The following SUPT3H variants were observed in gnomAD, a reference collection of about 807,000 sequenced individuals.
SUPT3H encodes SPT3 homolog, SAGA and STAGA complex component.
In SUPT3H, 44 loss-of-function variants were observed where a neutral mutation model predicts 44.3. The ratio of observed to expected loss-of-function variants is 0.99; its 90% CI spans 0.78 to 1.28. The LOEUF (loss-of-function observed/expected upper bound fraction) is 1.28, where lower values mean the gene tolerates loss of function less well. SUPT3H is among the 50% of genes most tolerant of loss of function. The pLI is 0.00. For synonymous variants in SUPT3H, 124 were observed against 125.6 expected, an observed-to-expected ratio of 0.99 and a Z score of 0.09; for missense variants, 380 against 387.1, an observed-to-expected ratio of 0.98 and a Z score of 0.15.
chr6:45,016,297 T>C (rs980131509), intron 4 of SUPT3H, among the ~76,000 whole-genome samples: 4 of 152,174 alleles, frequency 2.6e-5, no homozygotes, highest in Admixed American at 2.0e-4. Flanking sequence ...CAGTTCATCA[T>C]ATGGTACCTG....
At chr6:45,288,123 G>A (rs1779617183) in intron 2 of SUPT3H, among the ~76,000 whole-genome samples, 1 of 152,082 alleles carries the variant, frequency 6.6e-6, no homozygotes, top group Non-Finnish European at 1.5e-5. Flanking sequence ...GCAGCCATCA[G>A]GTAGTTTCTG....
chr6:44,982,626 T>G (rs1043353526), intron 6 of SUPT3H, among the ~76,000 whole-genome samples: 1 of 152,226 alleles, frequency 6.6e-6, no homozygotes, highest in African/African-American at 2.4e-5. Flanking sequence ...TTCACTTGTA[T>G]CAAAGATACA....
At chr6:45,259,987 T>C in intron 2 of SUPT3H, among the ~76,000 whole-genome samples, 1 of 152,178 alleles carries the variant, frequency 6.6e-6, no homozygotes, top group East Asian at 1.9e-4. Context: ...TCTAAAAGCT[T>C]TGAATTCCGT....
intron 2 of SUPT3H, among the ~76,000 whole-genome samples, chr6:45,234,117 C>T (rs1411917443): frequency 2.0e-5 from 3 of 152,136 alleles, no homozygotes; most frequent in Non-Finnish European, 4.4e-5. Context: ...ATCCCCTTTT[C>T]CTATGTAAAT....
At chr6:44,915,937 G>C (rs1767742601) in intron 10 of SUPT3H, among the ~76,000 whole-genome samples, 7 of 152,092 alleles carry the variant, frequency 4.6e-5, no homozygotes, top group Admixed American at 4.6e-4. Context: ...GCTGCATCAT[G>C]GGCCGTGGTT....
At chr6:44,888,747 T>C (rs1355707812) in intron 10 of SUPT3H, among the ~76,000 whole-genome samples, 1 of 152,026 alleles carries the variant, frequency 6.6e-6, no homozygotes, top group Non-Finnish European at 1.5e-5. Flanking sequence ...TTCAACATAG[T>C]GTTGGAAGTT....
intron 2 of SUPT3H, among the ~76,000 whole-genome samples, chr6:45,261,096 G>T (rs1046930160): frequency 6.6e-6 from 1 of 151,796 alleles, no homozygotes; most frequent in Non-Finnish European, 1.5e-5. Flanking sequence ...ATCAAAATTT[G>T]CCCTGGAACA....
At chr6:44,903,832 C>G (rs1375543375) in intron 10 of SUPT3H, among the ~76,000 whole-genome samples, 2 of 152,152 alleles carry the variant, frequency 1.3e-5, no homozygotes, top group South Asian at 2.1e-4. Flanking sequence ...GCTTATCCAC[C>G]ATGATCAAGT....
intron 2 of SUPT3H, among the ~76,000 whole-genome samples, chr6:45,110,003 G>A (rs1189173225): frequency 2.0e-5 from 3 of 152,076 alleles, no homozygotes; most frequent in Non-Finnish European, 2.9e-5. Context: ...AGGTCTTTCA[G>A]GAAACCTTCT....
intron 10 of SUPT3H, among the ~76,000 whole-genome samples, chr6:44,858,713 A>AG (rs1457784076): frequency 1.3e-5 from 2 of 152,202 alleles, no homozygotes; most frequent in East Asian, 3.8e-4. Context: ...GCCATGCTAG[A>AG]GTGACACGCA....
At position 45,082,664 on chromosome 6, in the gene SUPT3H, T is replaced by G. The variant is rs1051879606; in HGVS notation, c.186+23258A>C. On this transcript the variant is annotated intron_variant, in intron 3 of 10. Transcript: ENST00000371459. ...ATACTATCATATCATACTACCAACATCATAGTAAAAAGGCAAAAGCTTGAA... is the reference window on the plus strand; with the variant it reads ...ATACTATCATATCATACTACCAACAGCATAGTAAAAAGGCAAAAGCTTGAA... Among the ~76,000 whole-genome samples, 7 of 151,886 alleles carry G rather than the reference T, an allele frequency of 4.6e-5. No homozygotes were observed. The East Asian group carries it at 1.4e-3, about 29-fold the overall frequency.
At chr6:45,205,971 A>G (rs1284962) in intron 2 of SUPT3H, among the ~76,000 whole-genome samples, 132,948 of 152,172 alleles carry the variant, frequency 0.87, 58,341 homozygotes, top group African/African-American at 0.92. Flanking sequence ...TATGAGAAAT[A>G]ATTCTAGAGT....
intron 10 of SUPT3H, among the ~76,000 whole-genome samples, chr6:44,927,490 A>G (rs1769690031): frequency 6.6e-6 from 1 of 152,210 alleles, no homozygotes; most frequent in Non-Finnish European, 1.5e-5. Context: ...CTTTTCAATA[A>G]CTTATGCAAA....
intron 2 of SUPT3H, among the ~76,000 whole-genome samples, chr6:45,362,677 T>C (rs1342691088): frequency 3.3e-5 from 5 of 152,104 alleles, no homozygotes; most frequent in Non-Finnish European, 5.9e-5. Context: ...CTATTAGGAG[T>C]GGCCTCTCTA....
intron 10 of SUPT3H, among the ~76,000 whole-genome samples, chr6:44,838,803 C>CAAT (rs1337174725): frequency 2.0e-5 from 3 of 152,174 alleles, no homozygotes; most frequent in Non-Finnish European, 2.9e-5. Flanking sequence ...TGTGGACTGA[C>CAAT]AATAGGGGGG....
In SUPT3H at chr6:45,048,735, T is replaced by C. The variant is rs561712348; in HGVS notation, c.187-28103A>G. 1.2e-4 allele frequency among the ~76,000 whole-genome samples: 19 copies of C among 152,270 alleles called. No individual in the cohort carries two copies. In the South Asian group the frequency reaches 3.7e-3, roughly 30 times the overall value. On this transcript the variant is annotated intron_variant, in intron 3 of 10. Coordinates refer to ENST00000371459, the MANE Select transcript of SUPT3H (RefSeq NM_003599.4). ...AAAAAGGTAGGAAGTTCTGTCATTT[T>C]TGACAACATGGATGAATCTAGAGGA...
intron 10 of SUPT3H, among the ~76,000 whole-genome samples, chr6:44,901,783 G>A (rs1378979558): frequency 6.6e-6 from 1 of 152,088 alleles, no homozygotes; most frequent in Non-Finnish European, 1.5e-5. Context: ...GAAAGGTCGG[G>A]TTACCCACAA....
intron 2 of SUPT3H, among the ~76,000 whole-genome samples, chr6:45,188,777 C>T (rs72870953): frequency 0.016 from 2,419 of 152,086 alleles, 34 homozygotes; most frequent in South Asian, 0.036. Context: ...GTTCTCACCT[C>T]TACTGTACTC....
Position 45,374,089 on chromosome 6 carries a change from G to A in SUPT3H, c.-1+3679C>T, listed in dbSNP as rs777881282. 4.6e-5 allele frequency among the ~76,000 whole-genome samples: 7 copies of A among 152,234 alleles called. No homozygotes were observed. In the East Asian group the frequency reaches 5.8e-4, roughly 13 times the overall value. On this transcript the variant is annotated intron_variant, in intron 1 of 10. Transcript: ENST00000371459. ...GCCACCAACAGTCCTATGAGAAAGC[G>A]GGATGAGGATGGGTACTAATTCCAT...
Sources: allele counts gnomAD v4.1 joint callset (sites outside exome capture counted in the v4.1 genomes callset), GRCh38; gene constraint gnomAD v4.1.1; transcripts MANE v1.5; gene names NCBI Gene and HGNC (gene_info 2026-07-23, HGNC 2026-07-21).